FXR1: variants seen among roughly 807,000 people sequenced by gnomAD.
The protein encoded by FXR1 is FMR1 autosomal homolog 1.
A neutral mutation model predicts 84.0 loss-of-function variants in FXR1; 15 were observed. The observed-to-expected ratio is 0.18, with a 90% CI of 0.12 to 0.27. The LOEUF (loss-of-function observed/expected upper bound fraction) is 0.27. FXR1 is among the 10% of genes least tolerant of loss of function. The probability of loss-of-function intolerance (pLI) is 1.00; values close to 1 mark genes in which losing one functional copy is unlikely to be tolerated. For missense variants in FXR1, 480 were observed against 774.4 expected (o/e 0.62, Z 4.51); for synonymous variants, 245 against 250.7 (o/e 0.98, Z 0.21).
At chr3:180,920,757 T>C (rs9855564) in intron 1 of FXR1, among the ~76,000 whole-genome samples, 10,389 of 152,202 alleles carry the variant, frequency 0.068, 1,022 homozygotes, top group African/African-American at 0.22. Flanking sequence ...GTGATCTGCC[T>C]GCCTCAGCCT....
intron 1 of FXR1, among the ~76,000 whole-genome samples, chr3:180,919,964 CT>C (rs1297592206): frequency 6.6e-6 from 1 of 152,222 alleles, no homozygotes; most frequent in Non-Finnish European, 1.5e-5. Flanking sequence ...CTACCTCCTT[CT>C]TTTAATCAAG....
At chr3:180,952,309 C>T (rs993760864) in intron 8 of FXR1, among the ~76,000 whole-genome samples, 1 of 152,072 alleles carries the variant, frequency 6.6e-6, no homozygotes. Flanking sequence ...ATACATAGCT[C>T]TTATGAACAG....
intron 1 of FXR1, among the ~76,000 whole-genome samples, chr3:180,913,335 C>A (rs1202253897): frequency 6.6e-6 from 1 of 152,088 alleles, no homozygotes; most frequent in Non-Finnish European, 1.5e-5. Flanking sequence ...TGAATTGTGG[C>A]GGGTTGGAAT....
chr3:180,921,389 A>G (rs949668652), intron 1 of FXR1, among the ~76,000 whole-genome samples: 2 of 151,620 alleles, frequency 1.3e-5, no homozygotes, highest in Non-Finnish European at 2.9e-5. Context: ...AAAAAAAAAA[A>G]CTTGTAATAA....
At chr3:180,940,388 T>C (rs1805574) in intron 3 of FXR1, among the ~76,000 whole-genome samples, 25,879 of 152,118 alleles carry the variant, frequency 0.17, 2,445 homozygotes, top group South Asian at 0.25. Context: ...ATTGGGTATC[T>C]AGTACAGTGT....
intron 3 of FXR1, among the ~76,000 whole-genome samples, chr3:180,946,774 T>G (rs1359950779): frequency 6.6e-6 from 1 of 152,186 alleles, no homozygotes; most frequent in African/African-American, 2.4e-5. Flanking sequence ...TTGTTTTTAG[T>G]TGTTTGTGTT....
At chr3:180,964,260 C>T (rs1036688709) in intron 13 of FXR1, among the ~76,000 whole-genome samples, 1 of 152,112 alleles carries the variant, frequency 6.6e-6, no homozygotes, top group African/African-American at 2.4e-5. Context: ...ATGCAAAAGA[C>T]AGTTAACCAG....
chr3:180,935,868 C>T (rs114288997), intron 3 of FXR1, among the ~76,000 whole-genome samples: 70 of 150,620 alleles, frequency 4.6e-4, no homozygotes, highest in Non-Finnish European at 7.7e-4. Flanking sequence ...CCACCGTGCC[C>T]GGCCCTACAA....
rs1467200411 is a variant in FXR1 at position 180,979,330 on chromosome 3, GT to G, written c.*3039del. On this transcript the variant is annotated 3_prime_UTR_variant, in exon 17 of 17. Transcript: ENST00000357559. Reference sequence around the variant, plus strand: ...GGCTATGTCCAGGGACAGATGATTGGTGGTTAAGAATTACAGTAAAGGAAAA... The same window carrying G: ...GGCTATGTCCAGGGACAGATGATTGGGGTTAAGAATTACAGTAAAGGAAAA... 1 of 152,068 alleles carries G rather than the reference GT, an allele frequency of 6.6e-6. No homozygotes were observed. The highest frequency in any genetic ancestry group is 1.5e-5 in the Non-Finnish European group (1 of 67,970). 9.4% of individuals were successfully genotyped at this position (152,068 alleles called of 1,614,324 possible). A position where few individuals can be genotyped will look rare whatever the true frequency, so the allele number is the denominator to read the frequency against.
intron 1 of FXR1, among the ~76,000 whole-genome samples, chr3:180,926,211 G>T (rs1054970391): frequency 3.3e-5 from 5 of 152,030 alleles, no homozygotes; most frequent in Non-Finnish European, 7.4e-5. Context: ...TTCATGAGAA[G>T]AGAATTAAAA....
chr3:180,937,730 G>A (rs1316632534), intron 3 of FXR1, among the ~76,000 whole-genome samples: 2 of 152,086 alleles, frequency 1.3e-5, no homozygotes, highest in African/African-American at 4.8e-5. Flanking sequence ...ATTACGTAGA[G>A]TGTTTAGAAA....
intron 13 of FXR1, among the ~76,000 whole-genome samples, chr3:180,964,673 TTATATA>T (rs10600370): frequency 0.17 from 23,674 of 136,278 alleles, 2,203 homozygotes; most frequent in Middle Eastern, 0.24. Context: ...TGTAGTTGAT[TTATATA>T]TATATATATA....
At chr3:180,926,465 G>C (rs1719190510) in intron 1 of FXR1, among the ~76,000 whole-genome samples, 1 of 138,776 alleles carries the variant, frequency 7.2e-6, no homozygotes, top group Non-Finnish European at 1.5e-5. Flanking sequence ...TCTCTATTTA[G>C]GGGGATTGTA....
intron 9 of FXR1, among the ~76,000 whole-genome samples, chr3:180,957,304 ACTT>A (rs1711505148): frequency 6.6e-6 from 1 of 152,090 alleles, no homozygotes; most frequent in Non-Finnish European, 1.5e-5. Context: ...TACTTGAAAA[ACTT>A]CTTGGTGTAA....
rs748108644 is a variant in FXR1 at position 180,962,919 on chromosome 3, G to T, written c.1114G>T (p.Asp372Tyr). 6.2e-7 allele frequency: 1 copy of T among 1,613,158 alleles called. No homozygotes were observed. Among genetic ancestry groups the T allele is most frequent in the African/African-American group, 1.3e-5 (1 of 74,856 alleles). ...GCTAAGAATGGAACGCCTACAGATT[G>T]ATGAACAGCTGCGACAGATTGGTAT... ...EQLRMERLQIDEQLRQIGSRS... is the reference protein window; with the variant it reads ...EQLRMERLQIYEQLRQIGSRS... Residue 372 changes from aspartate to tyrosine, a missense_variant, in exon 12 of 17, where the codon GAT (aspartate) becomes TAT (tyrosine). Asp to Tyr is a radical substitution (Grantham distance 160). This residue lies in a region of FXR1 where 6 missense variants were observed against 32.8 expected (regional missense o/e 0.18). Coordinates refer to ENST00000357559, the MANE Select transcript of FXR1 (RefSeq NM_005087.4).
chr3:180,973,511 A>G (rs1171536012), intron 15 of FXR1, among the ~76,000 whole-genome samples: 1 of 152,214 alleles, frequency 6.6e-6, no homozygotes, highest in Non-Finnish European at 1.5e-5. Context: ...TGTTCCCCAC[A>G]CTGGCTAGAA....
intron 3 of FXR1, among the ~76,000 whole-genome samples, chr3:180,945,344 C>T (rs1474603739): frequency 6.6e-6 from 1 of 152,152 alleles, no homozygotes; most frequent in African/African-American, 2.4e-5. Context: ...TTGACATTTC[C>T]ACTTACGAAG....
rs1273381415 is a variant in FXR1, at chr3:180,977,586, T to C, written c.*1294T>C. On this transcript the variant is annotated 3_prime_UTR_variant, in exon 17 of 17. Coordinates refer to ENST00000357559, the MANE Select transcript of FXR1 (RefSeq NM_005087.4). ...TATTTTAGCCAGAGCTTAATTTTTA[T>C]GAAGATAAAGACATGAAGTTTAACA... is the stretch of plus-strand genomic sequence containing the variant. 1 of 152,116 alleles carries C rather than the reference T, an allele frequency of 6.6e-6. No homozygotes were observed. Among genetic ancestry groups the C allele is most frequent in the Non-Finnish European group, 1.5e-5 (1 of 67,966 alleles). The allele number at this position is 152,116 out of a possible 1,614,324, so 9.4% of individuals were successfully genotyped here. A position where few individuals can be genotyped will look rare whatever the true frequency, so the allele number is the denominator to read the frequency against.
intron 1 of FXR1, among the ~76,000 whole-genome samples, chr3:180,931,517 C>A (rs1719896438): frequency 1.3e-5 from 2 of 152,068 alleles, no homozygotes; most frequent in Admixed American, 1.3e-4. Flanking sequence ...CTGCACCGGG[C>A]CTACCATAGC....
Sources: gnomAD v4.1 joint callset for allele counts (sites outside exome capture counted in the v4.1 genomes callset) on GRCh38, gnomAD v4.1.1 for gene constraint, gnomAD v4.1.1 regional missense constraint, MANE v1.5 for transcripts, NCBI Gene and HGNC (gene_info 2026-07-23, HGNC 2026-07-21) for gene names.